Variants in REV3L observed in about 807,000 individuals in gnomAD.
REV3L encodes REV3 like, DNA directed polymerase zeta catalytic subunit, also known as DNA polymerase zeta catalytic subunit.
In REV3L, 69 loss-of-function variants were observed where a neutral mutation model predicts 299.4. The ratio of observed to expected loss-of-function variants is 0.23; its 90% CI spans 0.19 to 0.28. The LOEUF (loss-of-function observed/expected upper bound fraction) is 0.28, where lower values mean the gene tolerates loss of function less well. REV3L is among the 10% of genes least tolerant of loss of function. REV3L has a pLI of 1.00. For synonymous variants in REV3L, 1,238 were observed against 1,271.4 expected, an observed-to-expected ratio of 0.97 and a Z score of 0.56; for missense variants, 3,128 against 3,693.8, an observed-to-expected ratio of 0.85 and a Z score of 3.97.
chr6:111,382,958 C>G (rs1780982304), intron 9 of REV3L, among the ~76,000 whole-genome samples: 1 of 152,182 alleles, frequency 6.6e-6, no homozygotes, highest in Non-Finnish European at 1.5e-5. Context: ...ATTCCAGGCC[C>G]TAACTCCTGG....
At chr6:111,417,397 GTTC>G (rs1784889786) in intron 1 of REV3L, among the ~76,000 whole-genome samples, 1 of 152,188 alleles carries the variant, frequency 6.6e-6, no homozygotes, top group African/African-American at 2.4e-5. Flanking sequence ...ATTGTCCCTA[GTTC>G]CCCTTGGGTA....
intron 27 of REV3L, among the ~76,000 whole-genome samples, chr6:111,314,939 T>C (rs185147126): frequency 5.4e-4 from 81 of 150,674 alleles, no homozygotes; most frequent in Middle Eastern, 3.4e-3. Flanking sequence ...TAACCTTGAA[T>C]ACCTGGGCTC....
intron 31 of REV3L, among the ~76,000 whole-genome samples, chr6:111,303,064 T>C (rs975630369): frequency 3.4e-5 from 5 of 149,036 alleles, no homozygotes; most frequent in African/African-American, 9.8e-5. Context: ...GAAGGATCAC[T>C]TTTTTTTTTA....
At chr6:111,357,430 C>T (rs143228098) in intron 17 of REV3L, among the ~76,000 whole-genome samples, 5,440 of 152,200 alleles carry the variant, frequency 0.036, 324 homozygotes, top group African/African-American at 0.12. Flanking sequence ...CAGTGGCTCA[C>T]GCCTGTAATC....
chr6:111,321,970 T>C (rs1774239409), intron 26 of REV3L, among the ~76,000 whole-genome samples: 1 of 152,072 alleles, frequency 6.6e-6, no homozygotes, highest in Non-Finnish European at 1.5e-5. Flanking sequence ...GCAGGAAGCA[T>C]GCAAGCTGGT....
At chr6:111,442,345 T>C (rs1427810929) in intron 1 of REV3L, among the ~76,000 whole-genome samples, 2 of 152,238 alleles carry the variant, frequency 1.3e-5, no homozygotes, top group African/African-American at 4.8e-5. Context: ...ATCAAGTTTT[T>C]TGAACTTTTT....
At chr6:111,422,838 T>A (rs1298928660) in intron 1 of REV3L, among the ~76,000 whole-genome samples, 1 of 151,372 alleles carries the variant, frequency 6.6e-6, no homozygotes, top group Non-Finnish European at 1.5e-5. Context: ...CTCCTTTTAT[T>A]TGTAAATAAT....
rs764793871 is a variant in REV3L, at chr6:111,374,657, G to T, written c.3698C>A (p.Ser1233Tyr). The change falls in exon 13 of 32, where the codon TCT (serine) becomes TAT (tyrosine). Residue 1233 changes from serine to tyrosine, a missense_variant. By Grantham distance (144) the Ser-to-Tyr change is moderately radical. Around this residue, in one of 9 missense-constraint regions of REV3L, gnomAD observed 2,409 missense variants for 2,611.8 expected, o/e 0.92. Transcript: ENST00000368802. ...AAACTTAACCTCAGCACCAGACTGA[G>T]ATTTTATTTTTTCATCCTTAAGTGT... ...HTTLKDEKIKSQSGAEVKFVL... is the reference protein window; with the variant it reads ...HTTLKDEKIKYQSGAEVKFVL... The T allele has an allele frequency of 3.1e-6, 5 of 1,613,544 alleles. No individual in the cohort carries two copies. The highest frequency in any genetic ancestry group is 4.2e-6 in the Non-Finnish European group (5 of 1,179,864).
At position 111,374,718 on chromosome 6, in the gene REV3L, T is replaced by C; in HGVS notation, c.3637A>G (p.Lys1213Glu). The C allele has an allele frequency of 6.2e-7, 1 of 1,613,234 alleles. No homozygotes were observed. The highest frequency in any genetic ancestry group is 8.5e-7 in the Non-Finnish European group (1 of 1,179,842). Residue 1213 changes from lysine to glutamate, a missense_variant, in exon 13 of 32, where the codon AAA becomes GAA. Lys to Glu is a moderately conservative substitution (Grantham distance 56). Coordinates refer to ENST00000368802, the MANE Select transcript of REV3L (RefSeq NM_001372078.1). ...CTCGATGTACCTTTCTCATTTGTTT[T>C]TTGTTTTGCTCTTGGTTTCTTTTTT... ...DGKKKPRAKQ[K>E]TNEKGTSRKH...
chr6:111,394,334 T>C (rs964013550), intron 4 of REV3L, among the ~76,000 whole-genome samples: 3 of 152,196 alleles, frequency 2.0e-5, no homozygotes, highest in African/African-American at 7.2e-5. Flanking sequence ...CCATTCTAAC[T>C]GGGGTAAGAT....
intron 2 of REV3L, chr6:111,412,257 A>G (rs966696014): frequency 1.0e-6 from 1 of 985,226 alleles, no homozygotes; most frequent in Non-Finnish European, 1.2e-6. Flanking sequence ...CTTAAGCAAC[A>G]TAATCATGTT....
chr6:111,313,580 G>A, intron 27 of REV3L, 91 bp from the exon 28 acceptor site: 1 of 1,283,382 alleles, frequency 7.8e-7, no homozygotes, highest in Non-Finnish European at 1.1e-6. Flanking sequence ...CTTTAATCAA[G>A]TATCAATTAT....
intron 22 of REV3L, among the ~76,000 whole-genome samples, chr6:111,334,558 G>A (rs987410660): frequency 3.3e-5 from 5 of 152,082 alleles, no homozygotes; most frequent in African/African-American, 1.2e-4. Context: ...GCAATTACTG[G>A]TATGTTTGTT....
chr6:111,303,724 T>A (rs1771929943), intron 31 of REV3L, among the ~76,000 whole-genome samples: 1 of 112,348 alleles, frequency 8.9e-6, no homozygotes, highest in Non-Finnish European at 1.8e-5. Flanking sequence ...TTTTTTTTTT[T>A]TTTTTTTTTT....
chr6:111,483,296 T>G, upstream of REV3L: 9 of 343,078 alleles, frequency 2.6e-5, no homozygotes, highest in East Asian at 1.3e-4. Flanking sequence ...GGGAGGGGGC[T>G]CGGCGGGAAA....
intron 25 of REV3L, among the ~76,000 whole-genome samples, chr6:111,323,785 CA>C (rs1159174405): frequency 6.6e-6 from 1 of 152,088 alleles, no homozygotes; most frequent in Non-Finnish European, 1.5e-5. Flanking sequence ...TTTTAAAACG[CA>C]AACTGCACAT....
intron 25 of REV3L, among the ~76,000 whole-genome samples, chr6:111,325,676 G>A (rs1353447198): frequency 6.6e-6 from 1 of 152,140 alleles, no homozygotes; most frequent in African/African-American, 2.4e-5. Flanking sequence ...GTATATATAC[G>A]TATATGCGGT....
rs749419369 is a variant in REV3L at position 111,388,043 on chromosome 6, T to A, written c.905A>T (p.Gln302Leu). ...TTTGAGAATTTCCTGAAGTCTCTTC[T>A]GAAATTTTTTTTCACTTTCTGTTGC... ...VPATESEKKF[Q>L]KRLQEILKQN... The change falls in exon 8 of 32, where the codon CAG (glutamine) becomes CTG (leucine). Residue 302 changes from glutamine (Q) to leucine (L), a missense_variant. Transcript: ENST00000368802. The A allele has an allele frequency of 2.2e-5, 36 of 1,612,802 alleles. No individual in the cohort carries two copies. Among genetic ancestry groups the A allele is most frequent in the Middle Eastern group, 1.6e-4 (1 of 6,080 alleles).
At chr6:111,410,333 T>G (rs1307381011) in intron 3 of REV3L, among the ~76,000 whole-genome samples, 1 of 152,248 alleles carries the variant, frequency 6.6e-6, no homozygotes, top group Non-Finnish European at 1.5e-5. Context: ...AACAGTTTAG[T>G]GTTTGCTATG....
Sources: allele counts gnomAD v4.1 joint callset (sites outside exome capture counted in the v4.1 genomes callset), GRCh38; gene constraint gnomAD v4.1.1; regional missense constraint gnomAD v4.1.1; transcripts MANE v1.5; gene names NCBI Gene and HGNC (gene_info 2026-07-23, HGNC 2026-07-21).